The following HTR1F variants were observed in gnomAD, a reference collection of about 807,000 sequenced individuals.
HTR1F encodes 5-hydroxytryptamine receptor 1F, also known as 5-hydroxytryptamine (serotonin) receptor 1F, G protein-coupled.
Under a neutral mutation model 24.0 loss-of-function variants are expected in HTR1F, and 17 were observed. The ratio of observed to expected loss-of-function variants is 0.71; its 90% CI spans 0.48 to 1.06. The LOEUF is 1.06. HTR1F is among the 50% of genes least tolerant of loss of function. The pLI is 0.00. For missense variants in HTR1F, 391 were observed against 427.8 expected, an observed-to-expected ratio of 0.91 and a Z score of 0.76; for synonymous variants, 186 against 156.8, an observed-to-expected ratio of 1.19 and a Z score of -1.39.
In HTR1F at chr3:87,991,707, G is replaced by C. The variant is rs1193867406; in HGVS notation, c.958G>C (p.Asp320His). Residue 320 changes from aspartate (D) to histidine (H), a missense_variant, in exon 3 of 3, where the codon GAC (aspartate) becomes CAC (histidine). By Grantham distance (81) the Asp-to-His change is moderately conservative (BLOSUM62 -1). Transcript: ENST00000319595. ...FVKELVVNVCDKCKISEEMSN... is the reference protein window; with the variant it reads ...FVKELVVNVCHKCKISEEMSN... Reference sequence around the variant, plus strand: ...AAAAGAATTAGTTGTTAATGTCTGTGACAAATGTAAAATTTCTGAAGAAAT... The same window carrying C: ...AAAAGAATTAGTTGTTAATGTCTGTCACAAATGTAAAATTTCTGAAGAAAT... 4 of 1,613,838 alleles carry C rather than the reference G, an allele frequency of 2.5e-6. No homozygotes were observed. Among genetic ancestry groups the C allele is most frequent in the Non-Finnish European group, 3.4e-6 (4 of 1,179,884 alleles).
At chr3:87,847,200 C>T (rs980577087) in intron 2 of HTR1F, among the ~76,000 whole-genome samples, 2 of 151,626 alleles carry the variant, frequency 1.3e-5, no homozygotes, top group Admixed American at 1.3e-4. Context: ...TCCAAATTAG[C>T]AAAGATTTGT....
At chr3:87,963,553 A>G (rs112933526) in intron 2 of HTR1F, among the ~76,000 whole-genome samples, 3,171 of 152,236 alleles carry the variant, frequency 0.021, 103 homozygotes, top group African/African-American at 0.072. Context: ...GACAATAACT[A>G]TCCTCTCTCC....
chr3:87,921,553 C>T (rs1266414612), intron 2 of HTR1F, among the ~76,000 whole-genome samples: 1 of 151,904 alleles, frequency 6.6e-6, no homozygotes, highest in Non-Finnish European at 1.5e-5. Flanking sequence ...CCCATAACCT[C>T]AAACCATTAT....
At chr3:87,878,366 G>A (rs146240688) in intron 2 of HTR1F, among the ~76,000 whole-genome samples, 1 of 152,236 alleles carries the variant, frequency 6.6e-6, no homozygotes, top group East Asian at 1.9e-4. Context: ...GGAAGTAAAT[G>A]CTAAATCATT....
At chr3:87,885,770 C>G (rs1294966586) in intron 2 of HTR1F, among the ~76,000 whole-genome samples, 2 of 152,130 alleles carry the variant, frequency 1.3e-5, no homozygotes, top group East Asian at 3.9e-4. Flanking sequence ...GACACATACA[C>G]CCTCCCAAGA....
At chr3:87,909,719 A>C (rs1703736101) in intron 2 of HTR1F, among the ~76,000 whole-genome samples, 1 of 152,036 alleles carries the variant, frequency 6.6e-6, no homozygotes. Context: ...CTAAACAGAC[A>C]GCCCCAGAGT....
At chr3:87,959,188 C>A (rs1193669353) in intron 2 of HTR1F, among the ~76,000 whole-genome samples, 1 of 151,702 alleles carries the variant, frequency 6.6e-6, no homozygotes, top group Admixed American at 6.6e-5. Context: ...ACCAACAGCT[C>A]TAGAAATAGA....
At chr3:87,942,699 C>G (rs1704599457) in intron 2 of HTR1F, among the ~76,000 whole-genome samples, 1 of 151,694 alleles carries the variant, frequency 6.6e-6, no homozygotes, top group Non-Finnish European at 1.5e-5. Flanking sequence ...CCAGGGCCTC[C>G]AAAGTCCACT....
At chr3:87,849,516 T>C (rs1050306919) in intron 2 of HTR1F, among the ~76,000 whole-genome samples, 21 of 151,638 alleles carry the variant, frequency 1.4e-4, no homozygotes, top group Admixed American at 9.9e-4. Flanking sequence ...TATAAGAAAA[T>C]CTAGGCAATA....
chr3:87,877,468 A>T (rs1705695039), intron 2 of HTR1F, among the ~76,000 whole-genome samples: 1 of 152,150 alleles, frequency 6.6e-6, no homozygotes, highest in South Asian at 2.1e-4. Context: ...GTTACATGAG[A>T]AATTACTTAA....
intron 2 of HTR1F, among the ~76,000 whole-genome samples, chr3:87,988,684 A>G (rs1214455400): frequency 6.6e-6 from 1 of 151,852 alleles, no homozygotes; most frequent in African/African-American, 2.4e-5. Context: ...CCCGAGTTCA[A>G]GCACCTCCGA....
At chr3:87,856,351 A>C (rs1194718978) in intron 2 of HTR1F, among the ~76,000 whole-genome samples, 1 of 152,130 alleles carries the variant, frequency 6.6e-6, no homozygotes, top group African/African-American at 2.4e-5. Flanking sequence ...GTAACATTTT[A>C]AAATTAGGTA....
At chr3:87,935,414 T>C (rs72915609) in intron 2 of HTR1F, among the ~76,000 whole-genome samples, 29,356 of 151,954 alleles carry the variant, frequency 0.19, 3,276 homozygotes, top group African/African-American at 0.32. Context: ...AACTTTTTTT[T>C]CCCCAGTTTT....
intron 2 of HTR1F, among the ~76,000 whole-genome samples, chr3:87,886,132 C>T (rs1705936873): frequency 6.6e-6 from 1 of 152,154 alleles, no homozygotes; most frequent in African/African-American, 2.4e-5. Context: ...CATCAAAAAG[C>T]TCATCCACCA....
intron 2 of HTR1F, among the ~76,000 whole-genome samples, chr3:87,897,545 C>A (rs1158821631): frequency 6.6e-6 from 1 of 151,980 alleles, no homozygotes; most frequent in Non-Finnish European, 1.5e-5. Context: ...TTAGCTTATT[C>A]GTTTTGAGCT....
chr3:87,834,472 T>C (rs1426543808), intron 2 of HTR1F, among the ~76,000 whole-genome samples: 1 of 152,142 alleles, frequency 6.6e-6, no homozygotes, highest in Non-Finnish European at 1.5e-5. Flanking sequence ...CATTAGTCTG[T>C]TTTCACTTGT....
intron 2 of HTR1F, among the ~76,000 whole-genome samples, chr3:87,826,208 A>G (rs1442223150): frequency 1.3e-5 from 2 of 152,148 alleles, no homozygotes; most frequent in African/African-American, 2.4e-5. Context: ...TTATTTCTCA[A>G]ACAGTATTAG....
chr3:87,959,094 TG>T (rs1278792303), intron 2 of HTR1F, among the ~76,000 whole-genome samples: 1 of 151,814 alleles, frequency 6.6e-6, no homozygotes, highest in East Asian at 1.9e-4. Flanking sequence ...TACATATCTA[TG>T]TTGTTTGATG....
chr3:87,900,166 G>A (rs1847310), intron 2 of HTR1F, among the ~76,000 whole-genome samples: 13,557 of 152,140 alleles, frequency 0.089, 1,895 homozygotes, highest in African/African-American at 0.3. Context: ...AGGAAGTAAG[G>A]AGGCAAGGGA....
Sources: gnomAD v4.1 joint callset for allele counts (sites outside exome capture counted in the v4.1 genomes callset) on GRCh38, gnomAD v4.1.1 for gene constraint, MANE v1.5 for transcripts, NCBI Gene and HGNC (gene_info 2026-07-23, HGNC 2026-07-21) for gene names.